Variants in CLASP1 observed in about 807,000 individuals in gnomAD.
The protein encoded by CLASP1 is cytoplasmic linker associated protein 1.
In CLASP1, 38 loss-of-function variants were observed where a neutral mutation model predicts 192.3. The observed-to-expected ratio is 0.20, with a 90% CI of 0.15 to 0.26. The LOEUF is 0.26. CLASP1 is among the 10% of genes least tolerant of loss of function. The pLI, the probability that CLASP1 is intolerant of heterozygous loss-of-function variation, is 1.00. For synonymous variants in CLASP1, 691 were observed against 712.8 expected (o/e 0.97, Z 0.49); for missense variants, 1,433 against 1,932.5 (o/e 0.74, Z 4.85).
chr2:121,617,265 C>T (rs1453804573), intron 1 of CLASP1, among the ~76,000 whole-genome samples: 1 of 152,218 alleles, frequency 6.6e-6, no homozygotes, highest in Non-Finnish European at 1.5e-5. Flanking sequence ...CTCCTCCTTT[C>T]TGCCTCCTCA....
At chr2:121,352,463 G>A (rs189419906) in intron 37 of CLASP1, among the ~76,000 whole-genome samples, 174 of 152,328 alleles carry the variant, frequency 1.1e-3, no homozygotes, top group Non-Finnish European at 1.5e-3. Context: ...TGAAAGCAGA[G>A]TGCTGTTTAG....
At chr2:121,478,462 G>A (rs894239096) in intron 8 of CLASP1, among the ~76,000 whole-genome samples, 1 of 152,088 alleles carries the variant, frequency 6.6e-6, no homozygotes. Context: ...TGAGCCCAGC[G>A]TGGCAGCACA....
chr2:121,445,299 C>T, intron 19 of CLASP1: 1 of 383,036 alleles, frequency 2.6e-6, no homozygotes, highest in Non-Finnish European at 4.9e-6. Flanking sequence ...AAGAAAGTAC[C>T]AGCAGAACAG....
chr2:121,379,991 A>T (rs2071255896), intron 33 of CLASP1, among the ~76,000 whole-genome samples: 1 of 152,218 alleles, frequency 6.6e-6, no homozygotes, highest in South Asian at 2.1e-4. Flanking sequence ...GTCTTCTTTT[A>T]GACTCACTAG....
intron 2 of CLASP1, among the ~76,000 whole-genome samples, chr2:121,580,455 T>C (rs2061002144): frequency 6.6e-6 from 1 of 152,200 alleles, no homozygotes; most frequent in Admixed American, 6.5e-5. Context: ...TTTTATCAAT[T>C]AGATTAACAC....
intron 2 of CLASP1, among the ~76,000 whole-genome samples, chr2:121,568,730 G>C (rs763032440): frequency 9.2e-5 from 14 of 151,968 alleles, no homozygotes; most frequent in Non-Finnish European, 1.5e-4. Flanking sequence ...TAGCCATTGT[G>C]TGAAGCTCAA....
chr2:121,376,202 G>A (rs1478308611), intron 34 of CLASP1, among the ~76,000 whole-genome samples: 1 of 152,106 alleles, frequency 6.6e-6, no homozygotes, highest in Non-Finnish European at 1.5e-5. Flanking sequence ...AAGGAAATCA[G>A]TATATCAAAG....
At chr2:121,378,311 G>A (rs1034083238) in intron 33 of CLASP1, among the ~76,000 whole-genome samples, 16 of 152,122 alleles carry the variant, frequency 1.1e-4, no homozygotes, top group Non-Finnish European at 1.9e-4. Context: ...AATCAAAGCA[G>A]ATTTTATAAA....
At chr2:121,368,315 C>T (rs1275202542) in intron 34 of CLASP1, among the ~76,000 whole-genome samples, 1 of 152,192 alleles carries the variant, frequency 6.6e-6, no homozygotes, top group Non-Finnish European at 1.5e-5. Flanking sequence ...CTGCCTAGTG[C>T]TGGGCCTCGG....
intron 2 of CLASP1, among the ~76,000 whole-genome samples, chr2:121,591,420 C>G (rs2062387436): frequency 6.6e-6 from 1 of 152,156 alleles, no homozygotes; most frequent in South Asian, 2.1e-4. Context: ...TCCTCTTAGT[C>G]CTAGTCCACA....
At chr2:121,352,266 G>A (rs1446708066) in intron 37 of CLASP1, among the ~76,000 whole-genome samples, 5 of 152,230 alleles carry the variant, frequency 3.3e-5, no homozygotes, top group South Asian at 2.1e-4. Context: ...CCTCTGCCTC[G>A]TCCGGGCACC....
At chr2:121,526,213 G>A (rs1241945568) in intron 5 of CLASP1, among the ~76,000 whole-genome samples, 2 of 152,214 alleles carry the variant, frequency 1.3e-5, no homozygotes, top group Non-Finnish European at 2.9e-5. Context: ...AGCCCCCCAG[G>A]TCCCGCTTGC....
rs551656907 is a variant in CLASP1, at chr2:121,341,009, CA to C, written c.4531-63del. 8.5e-5 allele frequency: 92 copies of C among 1,076,080 alleles called. 1 individual carries two copies. The highest frequency in any genetic ancestry group is 1.1e-4 in the Non-Finnish European group (80 of 713,814). 66.7% of individuals were successfully genotyped at this position (1,076,080 alleles called of 1,614,324 possible). On this transcript the variant is annotated intron_variant, in intron 39 of 39. Coordinates refer to ENST00000263710, the Ensembl canonical transcript of CLASP1. ...AAAGCAATCAGAAAGTAGAAAACAGCAAAAAGAATCCCAGGTGACAGTAAGG... is the reference window on the plus strand; with the variant it reads ...AAAGCAATCAGAAAGTAGAAAACAGCAAAAGAATCCCAGGTGACAGTAAGG...
chr2:121,641,332 TAA>T (rs35155528), intron 1 of CLASP1, among the ~76,000 whole-genome samples: 2 of 130,780 alleles, frequency 1.5e-5, no homozygotes, highest in African/African-American at 5.6e-5. Context: ...GGGAACCTGT[TAA>T]AAAAAAAAAA....
intron 19 of CLASP1, among the ~76,000 whole-genome samples, chr2:121,438,456 A>G (rs1421239262): frequency 6.6e-6 from 1 of 152,214 alleles, no homozygotes; most frequent in African/African-American, 2.4e-5. Context: ...TCATGGATAT[A>G]CAGCCCCCTT....
intron 21 of CLASP1, among the ~76,000 whole-genome samples, chr2:121,426,758 T>C (rs950529510): frequency 6.6e-6 from 1 of 152,166 alleles, no homozygotes; most frequent in African/African-American, 2.4e-5. Flanking sequence ...TTTTTATTAA[T>C]AGGTAAGTAG....
At chr2:121,344,706 C>T (rs1420393611) in intron 39 of CLASP1, among the ~76,000 whole-genome samples, 1 of 152,152 alleles carries the variant, frequency 6.6e-6, no homozygotes, top group Non-Finnish European at 1.5e-5. Flanking sequence ...GGAGCCATGA[C>T]TTGATTCTCT....
chr2:121,544,886 CT>C (rs1243946902), intron 2 of CLASP1, among the ~76,000 whole-genome samples: 18 of 148,336 alleles, frequency 1.2e-4, no homozygotes, highest in African/African-American at 4.4e-4. Flanking sequence ...TTTTTTCTTT[CT>C]TTTTCTTTTC....
At chr2:121,493,128 G>C (rs2093389810) in intron 8 of CLASP1, among the ~76,000 whole-genome samples, 1 of 152,086 alleles carries the variant, frequency 6.6e-6, no homozygotes, top group African/African-American at 2.4e-5. Flanking sequence ...ATTCTTTACA[G>C]AAATAAAAAA....
Sources: allele counts gnomAD v4.1 joint callset (sites outside exome capture counted in the v4.1 genomes callset), GRCh38; gene constraint gnomAD v4.1.1; transcripts MANE v1.5; gene names NCBI Gene and HGNC (gene_info 2026-07-23, HGNC 2026-07-21).